The following ZC3H8 variants were observed in gnomAD, a reference collection of about 807,000 sequenced individuals.
ZC3H8 encodes the protein zinc finger CCCH domain-containing protein 8.
In ZC3H8, 27 loss-of-function variants were observed where a neutral mutation model predicts 42.5. The ratio of observed to expected loss-of-function variants is 0.64; its 90% CI spans 0.47 to 0.88. The LOEUF (loss-of-function observed/expected upper bound fraction) is 0.88, where lower values mean the gene tolerates loss of function less well. Ranked by LOEUF, ZC3H8 falls within the 40% of genes least tolerant of loss-of-function variation. The pLI, the probability that ZC3H8 is intolerant of heterozygous loss-of-function variation, is 0.00. For synonymous variants in ZC3H8, 101 were observed against 110.1 expected (o/e 0.92, Z 0.52); for missense variants, 277 against 336.1 (o/e 0.82, Z 1.37).
At chr2:112,219,564 A>G (rs1171782250) in intron 8 of ZC3H8, among the ~76,000 whole-genome samples, 1 of 152,194 alleles carries the variant, frequency 6.6e-6, no homozygotes, top group Admixed American at 6.5e-5. Context: ...GTTAACTTCC[A>G]TGTAATTGTA....
Position 112,216,111 on chromosome 2 carries a change from C to G in ZC3H8, c.*373G>C, listed in dbSNP as rs1432635523. 3 of 152,184 alleles carry G rather than the reference C, an allele frequency of 2.0e-5. No homozygotes were observed. Among genetic ancestry groups the G allele is most frequent in the African/African-American group, 7.2e-5 (3 of 41,420 alleles). The allele number at this position is 152,184 out of a possible 1,614,324, so 9.4% of individuals were successfully genotyped here. A position where few individuals can be genotyped will look rare whatever the true frequency, so the allele number is the denominator to read the frequency against. On this transcript the variant is annotated 3_prime_UTR_variant, in exon 9 of 9. Coordinates refer to ENST00000409573, the MANE Select transcript of ZC3H8 (RefSeq NM_032494.3). ...GAGCAGTTCTCTCTCCTCAAACCTC[C>G]TCTACCTCTTTACTCACCCTCACTC... is the stretch of plus-strand genomic sequence containing the variant.
chr2:112,224,737 C>G (rs1045895306), intron 8 of ZC3H8, among the ~76,000 whole-genome samples: 1 of 152,134 alleles, frequency 6.6e-6, no homozygotes, highest in Non-Finnish European at 1.5e-5. Flanking sequence ...CTATATAATT[C>G]TGCTTATATG....
intron 2 of ZC3H8, among the ~76,000 whole-genome samples, chr2:112,248,081 T>G (rs985108652): frequency 6.6e-6 from 1 of 152,316 alleles, no homozygotes; most frequent in East Asian, 1.9e-4. Context: ...ATCCTAGCAC[T>G]TCGGGAGGCC....
Position 112,215,659 on chromosome 2 carries a change from A to G in ZC3H8, c.*825T>C, listed in dbSNP as rs2104636983. 1 of 152,292 alleles carries G rather than the reference A, an allele frequency of 6.6e-6. No homozygotes were observed. Among genetic ancestry groups the G allele is most frequent in the South Asian group, 2.1e-4 (1 of 4,824 alleles). 9.4% of individuals were successfully genotyped at this position (152,292 alleles called of 1,614,324 possible). A position where few individuals can be genotyped will look rare whatever the true frequency, so the allele number is the denominator to read the frequency against. ...ATTTGTCTAATAATAACCAATAATCAATATTACTATATAAAACTGCATATT... is the reference window on the plus strand; with the variant it reads ...ATTTGTCTAATAATAACCAATAATCGATATTACTATATAAAACTGCATATT... On this transcript the variant is annotated 3_prime_UTR_variant, in exon 9 of 9. Transcript: ENST00000409573.
At chr2:112,229,198 A>G (rs1684986415) in intron 8 of ZC3H8, among the ~76,000 whole-genome samples, 1 of 151,878 alleles carries the variant, frequency 6.6e-6, no homozygotes, top group Non-Finnish European at 1.5e-5. Flanking sequence ...GGGAAAGAGC[A>G]GTCTTTTTAA....
intron 6 of ZC3H8, 69 bp downstream of exon 6, chr2:112,233,191 A>C: frequency 9.6e-7 from 1 of 1,046,378 alleles, no homozygotes; most frequent in Non-Finnish European, 1.3e-6. Flanking sequence ...GGTTTCATTA[A>C]AAATTTTGCA....
chr2:112,236,295 C>CT (rs1452537995), intron 4 of ZC3H8, among the ~76,000 whole-genome samples: 1 of 152,002 alleles, frequency 6.6e-6, no homozygotes, highest in African/African-American at 2.4e-5. Context: ...AATCAAGGAG[C>CT]TTGTGTGCAT....
At position 112,238,745 on chromosome 2, in the gene ZC3H8, A is replaced by G. The variant is rs540485820; in HGVS notation, c.157-217T>C. ...AGAATTAAAAACAAACTAACAAACC[A>G]CTATGACATATCTATCCTTAAAGAT... On this transcript the variant is annotated intron_variant, in intron 2 of 8. Coordinates refer to ENST00000409573, the MANE Select transcript of ZC3H8 (RefSeq NM_032494.3). Among the ~76,000 whole-genome samples the G allele has an allele frequency of 2.6e-5, 4 of 152,284 alleles. No individual in the cohort carries two copies. The South Asian group carries it at 8.3e-4, about 32-fold the overall frequency.
At chr2:112,254,803 G>C (rs1686068194) in intron 1 of ZC3H8, 105 bp downstream of exon 1, 1 of 1,366,624 alleles carries the variant, frequency 7.3e-7, no homozygotes, top group Admixed American at 2.4e-5. Flanking sequence ...GGGCCCTCGC[G>C]ACGCGGCCCG....
intron 2 of ZC3H8, among the ~76,000 whole-genome samples, chr2:112,245,133 A>C (rs1384304019): frequency 6.6e-6 from 1 of 152,238 alleles, no homozygotes; most frequent in African/African-American, 2.4e-5. Context: ...TAATGATATG[A>C]ACACAAAACA....
chr2:112,249,710 C>T (rs983915779), intron 2 of ZC3H8, among the ~76,000 whole-genome samples: 5 of 152,206 alleles, frequency 3.3e-5, no homozygotes, highest in Admixed American at 2.0e-4. Context: ...TCCCAAAGTG[C>T]TGGGACTACA....
At chr2:112,217,099 T>G (rs1014285525) in intron 8 of ZC3H8, among the ~76,000 whole-genome samples, 2 of 152,188 alleles carry the variant, frequency 1.3e-5, no homozygotes, top group Non-Finnish European at 2.9e-5. Context: ...CCAGGCGCGG[T>G]GGCTCACACC....
chr2:112,245,556 A>T (rs1027337175), intron 2 of ZC3H8, among the ~76,000 whole-genome samples: 2 of 152,210 alleles, frequency 1.3e-5, no homozygotes, highest in Non-Finnish European at 2.9e-5. Flanking sequence ...CAGGAGGCTG[A>T]AGCAGGAGAA....
chr2:112,230,623 C>A, intron 8 of ZC3H8: 1 of 179,224 alleles, frequency 5.6e-6, no homozygotes, highest in Non-Finnish European at 1.2e-5. Flanking sequence ...CAAACATAAG[C>A]AAAACTAAAT....
chr2:112,220,014 C>T (rs1416890646), intron 8 of ZC3H8, among the ~76,000 whole-genome samples: 3 of 152,156 alleles, frequency 2.0e-5, no homozygotes, highest in Non-Finnish European at 4.4e-5. Context: ...GATTTTTCTC[C>T]GTTCCTTTAC....
Position 112,214,347 on chromosome 2 carries a change from T to C in ZC3H8, c.*2137A>G, listed in dbSNP as rs940229719. On this transcript the variant is annotated 3_prime_UTR_variant, in exon 9 of 9. Coordinates refer to ENST00000409573, the MANE Select transcript of ZC3H8 (RefSeq NM_032494.3). ...CACTTTATCCCGTTTGCTTTGGCTT[T>C]AAAGACGGTCAAGGATAAATTCAAT... is the stretch of plus-strand genomic sequence containing the variant. 1 of 152,176 alleles carries C rather than the reference T, an allele frequency of 6.6e-6. No homozygotes were observed. The highest frequency in any genetic ancestry group is 2.4e-5 in the African/African-American group (1 of 41,440). 9.4% of individuals were successfully genotyped at this position (152,176 alleles called of 1,614,324 possible). A position where few individuals can be genotyped will look rare whatever the true frequency, so the allele number is the denominator to read the frequency against.
rs375398776 is a variant in ZC3H8 at position 112,253,140 on chromosome 2, TA to T, written c.74+1767del. Among the ~76,000 whole-genome samples, 157 of 146,944 alleles carry T rather than the reference TA, an allele frequency of 1.1e-3. 1 individual carries two copies. The highest frequency in any genetic ancestry group is 3.5e-3 in the Middle Eastern group (1 of 286). ...CAGAGCCAGACTCTGCTCAAAAAAA[TA>T]AAAAAAAAACCCACAAAACTACTCC... is the stretch of plus-strand genomic sequence containing the variant. On this transcript the variant is annotated intron_variant, in intron 1 of 8. Transcript: ENST00000409573.
In ZC3H8 at chr2:112,254,915, C is replaced by CA. The variant is rs774625659; in HGVS notation, c.66dup (p.Asp23Ter). The CA allele has an allele frequency of 1.2e-6, 2 of 1,613,482 alleles. No homozygotes were observed. Among genetic ancestry groups the CA allele is most frequent in the African/African-American group, 1.3e-5 (1 of 75,036 alleles). On this transcript the variant is annotated frameshift_variant, in exon 1 of 9. Transcript: ENST00000409573. LOFTEE classifies it high-confidence loss of function. ...GAAAAGATATGGGATCACCTTTCGT[C>CA]AGAGTCCGTGGCCGTTTTGCCGAGG...
chr2:112,211,839 A>G lies in ZC3H8; in HGVS notation c.*4645T>C, dbSNP rs760804896. The G allele has an allele frequency of 2.0e-5, 3 of 152,216 alleles. No individual in the cohort carries two copies. Among genetic ancestry groups the G allele is most frequent in the Non-Finnish European group, 4.4e-5 (3 of 68,042 alleles). The allele number at this position is 152,216 out of a possible 1,614,324, so 9.4% of individuals were successfully genotyped here. ...AATGAGTGTTACAAATTTCACAGGAATCAACAGCACTTTTAAGATGAGTTG... is the reference window on the plus strand; with the variant it reads ...AATGAGTGTTACAAATTTCACAGGAGTCAACAGCACTTTTAAGATGAGTTG... On this transcript the variant is annotated 3_prime_UTR_variant, in exon 9 of 9. Coordinates refer to ENST00000409573, the MANE Select transcript of ZC3H8 (RefSeq NM_032494.3).
Sources: gnomAD v4.1 joint callset for allele counts (sites outside exome capture counted in the v4.1 genomes callset) on GRCh38, gnomAD v4.1.1 for gene constraint, MANE v1.5 for transcripts, NCBI Gene and HGNC (gene_info 2026-07-23, HGNC 2026-07-21) for gene names.